FAM47E: variants seen among roughly 807,000 people sequenced by gnomAD.
FAM47E encodes family with sequence similarity 47 member E, also known as protein FAM47E.
A neutral mutation model predicts 41.6 loss-of-function variants in FAM47E; 32 were observed. That is an observed-to-expected ratio of 0.77 (90% CI 0.58 to 1.03). The LOEUF (loss-of-function observed/expected upper bound fraction) is 1.03, where lower values mean the gene tolerates loss of function less well. Among genes scored for constraint, FAM47E ranks in the 50% least tolerant of loss-of-function variants. FAM47E has a pLI of 0.00. For synonymous variants in FAM47E, 184 were observed against 188.7 expected, an observed-to-expected ratio of 0.98 and a Z score of 0.20; for missense variants, 424 against 485.4, an observed-to-expected ratio of 0.87 and a Z score of 1.19.
intron 4 of FAM47E, among the ~76,000 whole-genome samples, chr4:76,270,202 T>TC (rs60768232): frequency 1.3e-5 from 2 of 151,948 alleles, no homozygotes; most frequent in African/African-American, 4.8e-5. Flanking sequence ...AATCAATATT[T>TC]CCCCAAGAAA....
chr4:76,254,511 T>C (rs956688035), intron 1 of FAM47E, among the ~76,000 whole-genome samples: 27 of 152,284 alleles, frequency 1.8e-4, no homozygotes, highest in African/African-American at 6.0e-4. Flanking sequence ...TTCATCTTTT[T>C]GTGTCCTTTC....
chr4:76,215,802 C>G (rs935563108), intron 1 of FAM47E, among the ~76,000 whole-genome samples: 2 of 152,136 alleles, frequency 1.3e-5, no homozygotes, highest in East Asian at 3.9e-4. Flanking sequence ...CACCAGTCCC[C>G]AGCTGTCCCT....
At chr4:76,215,282 G>A (rs1733183846) in intron 1 of FAM47E, among the ~76,000 whole-genome samples, 2 of 152,220 alleles carry the variant, frequency 1.3e-5, no homozygotes, top group African/African-American at 4.8e-5. Context: ...GAACACTGGG[G>A]CTCTGAGTTA....
chr4:76,215,054 G>A (rs1312196938), intron 1 of FAM47E, among the ~76,000 whole-genome samples: 6 of 152,264 alleles, frequency 3.9e-5, no homozygotes, highest in African/African-American at 7.2e-5. Context: ...CCCAGAAAGA[G>A]GCCCGCCTTA....
At chr4:76,277,489 C>CAA (rs573395947) in intron 5 of FAM47E, among the ~76,000 whole-genome samples, 1 of 112,688 alleles carries the variant, frequency 8.9e-6, no homozygotes, top group Admixed American at 9.6e-5. Context: ...GACTCCGTCT[C>CAA]AAAAAAAAAG....
intron 2 of FAM47E, among the ~76,000 whole-genome samples, chr4:76,239,301 A>G (rs1278604287): frequency 6.6e-6 from 1 of 152,174 alleles, no homozygotes; most frequent in Non-Finnish European, 1.5e-5. Context: ...TAGTTTTTAA[A>G]GAACCACCAT....
At chr4:76,253,850 C>T (rs898782647) in intron 1 of FAM47E, among the ~76,000 whole-genome samples, 6 of 151,470 alleles carry the variant, frequency 4.0e-5, no homozygotes, top group Admixed American at 6.6e-5. Context: ...AAGTGGCTCG[C>T]GCCTGTAATC....
At chr4:76,220,239 CA>C (rs1408657351) in intron 2 of FAM47E, among the ~76,000 whole-genome samples, 1 of 152,114 alleles carries the variant, frequency 6.6e-6, no homozygotes, top group Non-Finnish European at 1.5e-5. Context: ...TCACAATAGT[CA>C]AAAGGTGGAA....
chr4:76,216,857 C>G (rs1296966480), intron 1 of FAM47E, among the ~76,000 whole-genome samples: 3 of 152,184 alleles, frequency 2.0e-5, no homozygotes, highest in Non-Finnish European at 2.9e-5. Context: ...AAAATATAAA[C>G]AGCTTTTAAG....
intron 3 of FAM47E, among the ~76,000 whole-genome samples, chr4:76,266,994 T>C (rs1734664817): frequency 1.3e-5 from 2 of 151,446 alleles, no homozygotes; most frequent in Admixed American, 6.6e-5. Context: ...TCTGTATAAA[T>C]AAAATGCTCC....
At chr4:76,274,875 A>G (rs1439091870) in intron 5 of FAM47E, among the ~76,000 whole-genome samples, 1 of 152,106 alleles carries the variant, frequency 6.6e-6, no homozygotes, top group Admixed American at 6.5e-5. Flanking sequence ...TCTGTGCTGC[A>G]AACTTTCTCT....
At chr4:76,237,144 C>T (rs562417284) in intron 2 of FAM47E, among the ~76,000 whole-genome samples, 23 of 152,102 alleles carry the variant, frequency 1.5e-4, no homozygotes, top group Admixed American at 5.2e-4. Context: ...ATCCACCCGC[C>T]CCGGCCTCCC....
intron 2 of FAM47E, among the ~76,000 whole-genome samples, chr4:76,227,913 G>A (rs1021462845): frequency 3.3e-5 from 5 of 152,096 alleles, no homozygotes; most frequent in Non-Finnish European, 4.4e-5. Context: ...TTAAGTTTAC[G>A]TGATTTCTTA....
intron 2 of FAM47E, chr4:76,217,773 C>A (rs764983996): frequency 1.2e-4 from 51 of 419,362 alleles, no homozygotes; most frequent in Non-Finnish European, 2.0e-4. Flanking sequence ...TCTCTCTATA[C>A]CTAAAATCAG....
exon 1 of FAM47E, chr4:76,214,227 A>G (rs1163216166): frequency 2.2e-6 from 1 of 454,692 alleles, no homozygotes; most frequent in Admixed American, 2.3e-5. Flanking sequence ...CGTTACCGCA[A>G]TTACAACACA....
At chr4:76,222,921 G>A (rs28442089) in intron 2 of FAM47E, among the ~76,000 whole-genome samples, 10 of 152,150 alleles carry the variant, frequency 6.6e-5, no homozygotes, top group Admixed American at 1.3e-4. Context: ...AGAAAGGCAG[G>A]GGGGGAAGAG....
chr4:76,247,511 A>G (rs1352336928), upstream of FAM47E, among the ~76,000 whole-genome samples: 1 of 152,046 alleles, frequency 6.6e-6, no homozygotes. Context: ...GAGGACTGCC[A>G]AACTATTTTC....
At chr4:76,280,519 G>T in intron 7 of FAM47E, 178 bp downstream of exon 7, 1 of 503,338 alleles carries the variant, frequency 2.0e-6, no homozygotes. Context: ...GATAGGATAT[G>T]GCATTTTGCC....
intron 1 of FAM47E, among the ~76,000 whole-genome samples, chr4:76,216,036 C>G (rs1241377128): frequency 6.6e-6 from 1 of 152,166 alleles, no homozygotes; most frequent in African/African-American, 2.4e-5. Flanking sequence ...GAGGACCAGT[C>G]CTGTGTTCAA....
Sources: gnomAD v4.1 joint callset for allele counts (sites outside exome capture counted in the v4.1 genomes callset) on GRCh38, gnomAD v4.1.1 for gene constraint, MANE v1.5 for transcripts, NCBI Gene and HGNC (gene_info 2026-07-23, HGNC 2026-07-21) for gene names.